RUNDC3B: variants seen among roughly 807,000 people sequenced by gnomAD.
The protein encoded by RUNDC3B is RUN domain containing 3B, also known as RUN domain-containing protein 3B.
A neutral mutation model predicts 58.4 loss-of-function variants in RUNDC3B; 33 were observed. The observed-to-expected ratio is 0.56, with a 90% CI of 0.43 to 0.75. RUNDC3B has a LOEUF of 0.75. Ranked by LOEUF, RUNDC3B falls within the 30% of genes least tolerant of loss-of-function variation. The pLI is 0.00. For missense variants in RUNDC3B, 501 were observed against 535.7 expected, an observed-to-expected ratio of 0.94 and a Z score of 0.64; for synonymous variants, 193 against 195.2, an observed-to-expected ratio of 0.99 and a Z score of 0.10.
intron 4 of RUNDC3B, among the ~76,000 whole-genome samples, chr7:87,715,482 A>G (rs1369494440): frequency 2.3e-5 from 3 of 132,220 alleles, no homozygotes; most frequent in East Asian, 4.0e-4. Context: ...ATTAATATAT[A>G]AATAATACAT....
chr7:87,682,436 G>C (rs1263983451), intron 2 of RUNDC3B, among the ~76,000 whole-genome samples: 1 of 152,136 alleles, frequency 6.6e-6, no homozygotes, highest in Non-Finnish European at 1.5e-5. Context: ...ATGGAGGCTA[G>C]AGCCTTAAGA....
rs563641528 is a variant in RUNDC3B, at chr7:87,630,372, C to T, written c.122+1427C>T. 5.3e-5 allele frequency among the ~76,000 whole-genome samples: 8 copies of T among 152,300 alleles called. No homozygotes were observed. In the South Asian group the frequency reaches 1.4e-3, roughly 28 times the overall value. The stretch of plus-strand genomic sequence containing the variant: ...TATTTGTATAATGTAATTATTACAG[C>T]ACTTTGAGTTGTAAATGGTAAAGTA... On this transcript the variant is annotated intron_variant, in intron 1 of 10. Transcript: ENST00000394654.
intron 8 of RUNDC3B, among the ~76,000 whole-genome samples, chr7:87,800,250 C>T (rs1836066423): frequency 6.6e-6 from 1 of 152,142 alleles, no homozygotes; most frequent in African/African-American, 2.4e-5. Flanking sequence ...AGAGGATAAC[C>T]TTCAAGCCTG....
intron 6 of RUNDC3B, among the ~76,000 whole-genome samples, chr7:87,751,190 A>G (rs1832960477): frequency 6.6e-6 from 1 of 152,134 alleles, no homozygotes; most frequent in Non-Finnish European, 1.5e-5. Context: ...AGATGGTTGT[A>G]GATATGTGGC....
intron 2 of RUNDC3B, among the ~76,000 whole-genome samples, chr7:87,665,017 A>G (rs1484403901): frequency 6.6e-6 from 1 of 152,148 alleles, no homozygotes; most frequent in Non-Finnish European, 1.5e-5. Context: ...TAAAAAGCTG[A>G]AAGCTCTCTA....
intron 2 of RUNDC3B, among the ~76,000 whole-genome samples, chr7:87,666,262 A>G (rs1425863477): frequency 6.6e-6 from 1 of 151,938 alleles, no homozygotes; most frequent in African/African-American, 2.4e-5. Flanking sequence ...TTCTTTTCAT[A>G]TGCTTGTGGG....
chr7:87,770,963 C>T (rs912944225), intron 7 of RUNDC3B, among the ~76,000 whole-genome samples: 2 of 152,108 alleles, frequency 1.3e-5, no homozygotes, highest in South Asian at 2.1e-4. Flanking sequence ...AACATAAAAA[C>T]AAGCCATTAT....
intron 4 of RUNDC3B, among the ~76,000 whole-genome samples, chr7:87,736,879 ATATATATATATTTT>A (rs1414934364): frequency 5.6e-5 from 2 of 35,776 alleles, no homozygotes; most frequent in Non-Finnish European, 9.7e-5. Flanking sequence ...ATATATATAT[ATATATATATATTTT>A]TTTTTTTTTT....
chr7:87,744,006 A>T (rs1832503574), intron 6 of RUNDC3B, among the ~76,000 whole-genome samples: 1 of 152,148 alleles, frequency 6.6e-6, no homozygotes, highest in South Asian at 2.1e-4. Context: ...AGAGATGAGG[A>T]TCCAATTTCA....
At chr7:87,681,953 C>A (rs770756050) in intron 2 of RUNDC3B, among the ~76,000 whole-genome samples, 1 of 152,206 alleles carries the variant, frequency 6.6e-6, no homozygotes, top group African/African-American at 2.4e-5. Context: ...CACAGTAGAA[C>A]TTCTTTCAAA....
At position 87,655,132 on chromosome 7, in the gene RUNDC3B, A is replaced by G. The variant is rs373318122; in HGVS notation, c.238+4195A>G. On this transcript the variant is annotated intron_variant, in intron 2 of 10. Transcript: ENST00000394654. ...AAACATTATGGAGGTTCCTCAAAAA[A>G]TTAAAAATAGAACTGCCATTAGTCT... 1.3e-4 allele frequency among the ~76,000 whole-genome samples: 20 copies of G among 152,246 alleles called. No homozygotes were observed. In the East Asian group the frequency reaches 3.1e-3, roughly 24 times the overall value.
At chr7:87,788,513 G>A (rs1835343035) in intron 8 of RUNDC3B, among the ~76,000 whole-genome samples, 1 of 151,968 alleles carries the variant, frequency 6.6e-6, no homozygotes, top group African/African-American at 2.4e-5. Flanking sequence ...GGTTCTTATG[G>A]TTTTATGGAA....
At chr7:87,656,923 TG>T (rs765658589) in intron 2 of RUNDC3B, among the ~76,000 whole-genome samples, 14 of 152,324 alleles carry the variant, frequency 9.2e-5, no homozygotes, top group East Asian at 5.8e-4. Flanking sequence ...CTAGCACTGT[TG>T]TAAGTGCTGG....
At chr7:87,664,582 A>G (rs2130474084) in intron 2 of RUNDC3B, among the ~76,000 whole-genome samples, 1 of 152,286 alleles carries the variant, frequency 6.6e-6, no homozygotes, top group East Asian at 1.9e-4. Flanking sequence ...AGGAAGAACC[A>G]TGGAAATTTA....
chr7:87,649,205 T>C (rs967539461), intron 1 of RUNDC3B, among the ~76,000 whole-genome samples: 1 of 151,890 alleles, frequency 6.6e-6, no homozygotes, highest in East Asian at 1.9e-4. Context: ...TGATAGTGGT[T>C]ATATGAATCT....
At position 87,830,046 on chromosome 7, in the gene RUNDC3B, A is replaced by G. The variant is rs1838052243; in HGVS notation, c.*16A>G. The G allele has an allele frequency of 6.5e-7, 1 of 1,544,636 alleles. No individual in the cohort carries two copies. The highest frequency in any genetic ancestry group is 8.7e-7 in the Non-Finnish European group (1 of 1,145,640). On this transcript the variant is annotated 3_prime_UTR_variant, in exon 11 of 11. Coordinates refer to ENST00000394654, the MANE Select transcript of RUNDC3B (RefSeq NM_001134405.2). Reference sequence around the variant, plus strand: ...TCCATCCTGAAAATTTTTGTGTAAAAGCCAAAACTTTTTATGTTGTAAATG... The same window carrying G: ...TCCATCCTGAAAATTTTTGTGTAAAGGCCAAAACTTTTTATGTTGTAAATG...
At chr7:87,763,845 C>T (rs1833830569) in intron 6 of RUNDC3B, among the ~76,000 whole-genome samples, 1 of 151,662 alleles carries the variant, frequency 6.6e-6, no homozygotes, top group Non-Finnish European at 1.5e-5. Context: ...TCTTGTTGGT[C>T]AGACTTTTCT....
In RUNDC3B at chr7:87,751,619, G is replaced by T. The variant is rs992468257; in HGVS notation, c.629+10040G>T. 2.0e-5 allele frequency among the ~76,000 whole-genome samples: 3 copies of T among 152,126 alleles called. No homozygotes were observed. In the East Asian group the frequency reaches 5.8e-4, roughly 29 times the overall value. On this transcript the variant is annotated intron_variant, in intron 6 of 10. Coordinates refer to ENST00000394654, the MANE Select transcript of RUNDC3B (RefSeq NM_001134405.2). ...ACATCCCTTGTAAGTTGGATTCCTA[G>T]GTATTTTATTCTCTTTGAAGCAATT...
intron 4 of RUNDC3B, among the ~76,000 whole-genome samples, chr7:87,717,678 A>G (rs1308976127): frequency 2.6e-5 from 4 of 152,144 alleles, no homozygotes; most frequent in African/African-American, 9.6e-5. Context: ...TCAGGAAAAG[A>G]AAAATTTATC....
Sources: allele counts gnomAD v4.1 joint callset (sites outside exome capture counted in the v4.1 genomes callset), GRCh38; gene constraint gnomAD v4.1.1; transcripts MANE v1.5; gene names NCBI Gene and HGNC (gene_info 2026-07-23, HGNC 2026-07-21).